The following PTPRT variants were observed in gnomAD, a reference collection of about 807,000 sequenced individuals.
PTPRT encodes the protein protein tyrosine phosphatase receptor type T, also known as receptor-type tyrosine-protein phosphatase T.
A neutral mutation model predicts 176.8 loss-of-function variants in PTPRT; 56 were observed. The ratio of observed to expected loss-of-function variants is 0.32; its 90% CI spans 0.26 to 0.40. The LOEUF (loss-of-function observed/expected upper bound fraction) is 0.40. Among genes scored for constraint, PTPRT ranks in the 10% least tolerant of loss-of-function variants. The probability of loss-of-function intolerance (pLI) is 1.00; values close to 1 mark genes in which losing one functional copy is unlikely to be tolerated. For synonymous variants in PTPRT, 783 were observed against 739.0 expected (o/e 1.06, Z -0.96); for missense variants, 1,540 against 1,908.2 (o/e 0.81, Z 3.60).
chr20:42,942,770 T>A lies in PTPRT; in HGVS notation c.89-56838A>T, dbSNP rs561873878. ...CAATATTTTATCCTCGAAATAGGGA[T>A]ATTGATGGTACTAACCATCAAGTTG... On this transcript the variant is annotated intron_variant, in intron 1 of 30. Transcript: ENST00000373187. Among the ~76,000 whole-genome samples the A allele has an allele frequency of 3.3e-4, 50 of 152,340 alleles. 2 individuals are homozygous for A. In the South Asian group the frequency reaches 0.01, roughly 32 times the overall value.
At chr20:43,100,987 C>T (rs770470819) in intron 1 of PTPRT, among the ~76,000 whole-genome samples, 8 of 152,200 alleles carry the variant, frequency 5.3e-5, no homozygotes, top group Non-Finnish European at 1.2e-4. Flanking sequence ...ACCAATTATC[C>T]GAATAATTTT....
chr20:42,337,824 A>AGGAAAAGCAAAGGCAGGAC (rs1264049426), intron 11 of PTPRT, among the ~76,000 whole-genome samples: 2 of 152,204 alleles, frequency 1.3e-5, no homozygotes, highest in Non-Finnish European at 2.9e-5. Flanking sequence ...GACTTTGGAG[A>AGGAAAAGCAAAGGCAGGAC]GGAAAAGCAA....
At chr20:42,470,280 C>A (rs1208189670) in intron 8 of PTPRT, among the ~76,000 whole-genome samples, 2 of 152,308 alleles carry the variant, frequency 1.3e-5, no homozygotes, top group East Asian at 1.9e-4. Flanking sequence ...CAGACCCTAA[C>A]TGTTGGCTGG....
At chr20:42,651,294 G>T (rs2075026354) in intron 7 of PTPRT, among the ~76,000 whole-genome samples, 1 of 152,144 alleles carries the variant, frequency 6.6e-6, no homozygotes, top group Admixed American at 6.5e-5. Flanking sequence ...CCTATTGCTT[G>T]TCAAAGTCAG....
At chr20:42,779,565 T>C (rs1356750240) in intron 4 of PTPRT, among the ~76,000 whole-genome samples, 1 of 152,210 alleles carries the variant, frequency 6.6e-6, no homozygotes, top group Non-Finnish European at 1.5e-5. Flanking sequence ...CCAGGACTTA[T>C]GGCCTCTGAG....
At chr20:42,562,071 T>G (rs1373062553) in intron 7 of PTPRT, among the ~76,000 whole-genome samples, 1 of 152,214 alleles carries the variant, frequency 6.6e-6, no homozygotes, top group Non-Finnish European at 1.5e-5. Flanking sequence ...TTGCTTCGTC[T>G]GTAAACTAAT....
At chr20:42,617,568 C>A (rs2074106332) in intron 7 of PTPRT, among the ~76,000 whole-genome samples, 2 of 136,558 alleles carry the variant, frequency 1.5e-5, no homozygotes, top group Non-Finnish European at 3.1e-5. Context: ...CCATCTGGTC[C>A]TGGACTCTTT....
chr20:42,821,009 T>C (rs1003589673), intron 2 of PTPRT, among the ~76,000 whole-genome samples: 1 of 152,192 alleles, frequency 6.6e-6, no homozygotes, highest in African/African-American at 2.4e-5. Flanking sequence ...TACCATTCCT[T>C]CTGAAACTAT....
At chr20:42,286,244 G>A (rs898399207) in intron 12 of PTPRT, among the ~76,000 whole-genome samples, 2 of 151,792 alleles carry the variant, frequency 1.3e-5, no homozygotes, top group African/African-American at 2.4e-5. Flanking sequence ...AAATTTGTAT[G>A]AAAACTCAAA....
intron 9 of PTPRT, among the ~76,000 whole-genome samples, chr20:42,432,050 G>A (rs1397161267): frequency 6.6e-6 from 1 of 152,180 alleles, no homozygotes; most frequent in Non-Finnish European, 1.5e-5. Context: ...AGTCTTCAGG[G>A]GCATGGCTCA....
intron 7 of PTPRT, among the ~76,000 whole-genome samples, chr20:42,553,989 C>T (rs765583085): frequency 1.3e-4 from 20 of 152,062 alleles, no homozygotes; most frequent in Non-Finnish European, 2.1e-4. Flanking sequence ...GAAAATGTCA[C>T]CAAGGCCGCA....
chr20:42,863,201 G>A (rs550777817), intron 2 of PTPRT, among the ~76,000 whole-genome samples: 21 of 152,332 alleles, frequency 1.4e-4, no homozygotes, highest in Admixed American at 9.8e-4. Context: ...CTAGCAAAGC[G>A]TGAGGTCTTG....
chr20:42,819,737 A>C (rs2077856158), intron 2 of PTPRT, among the ~76,000 whole-genome samples: 2 of 143,948 alleles, frequency 1.4e-5, no homozygotes, highest in African/African-American at 5.3e-5. Context: ...AAATAAAAAT[A>C]AAAATAAAAA....
chr20:43,106,078 C>A (rs1026098643), intron 1 of PTPRT, among the ~76,000 whole-genome samples: 1 of 152,058 alleles, frequency 6.6e-6, no homozygotes, highest in African/African-American at 2.4e-5. Flanking sequence ...TGCCCCAGAC[C>A]AAACAAAAGA....
intron 6 of PTPRT, among the ~76,000 whole-genome samples, chr20:42,746,096 TA>T (rs925941912): frequency 1.3e-5 from 2 of 152,220 alleles, no homozygotes; most frequent in African/African-American, 4.8e-5. Context: ...TTAAAAGTGT[TA>T]ATGCAACACA....
intron 7 of PTPRT, among the ~76,000 whole-genome samples, chr20:42,660,720 C>T (rs1446695680): frequency 2.0e-5 from 3 of 152,202 alleles, no homozygotes; most frequent in African/African-American, 4.8e-5. Flanking sequence ...GTGACCAGAA[C>T]AGACAAGGTA....
At chr20:43,148,515 T>C (rs1157170420) in intron 1 of PTPRT, among the ~76,000 whole-genome samples, 2 of 152,214 alleles carry the variant, frequency 1.3e-5, no homozygotes, top group Admixed American at 6.5e-5. Flanking sequence ...ACACAGCATG[T>C]GCTCTGTGAA....
chr20:42,981,287 T>G (rs1201233726), intron 1 of PTPRT, among the ~76,000 whole-genome samples: 2 of 152,216 alleles, frequency 1.3e-5, no homozygotes, highest in Non-Finnish European at 2.9e-5. Context: ...AAAGTCCTTC[T>G]TTTAAGGAGT....
chr20:42,316,939 C>G (rs1399246111), intron 11 of PTPRT, among the ~76,000 whole-genome samples: 1 of 152,176 alleles, frequency 6.6e-6, no homozygotes, highest in African/African-American at 2.4e-5. Flanking sequence ...TTTCCAATAT[C>G]ATGAGATGGG....
Sources: allele counts gnomAD v4.1 joint callset (sites outside exome capture counted in the v4.1 genomes callset), GRCh38; gene constraint gnomAD v4.1.1; transcripts MANE v1.5; gene names NCBI Gene and HGNC (gene_info 2026-07-23, HGNC 2026-07-21).